The following CADPS variants were observed in gnomAD, a reference collection of about 807,000 sequenced individuals.
CADPS encodes calcium-dependent secretion activator 1.
CADPS carries 57 observed loss-of-function variants against 167.3 expected under a neutral mutation model. The observed-to-expected ratio is 0.34, with a 90% confidence interval of 0.28 to 0.42. CADPS has a LOEUF of 0.42. Among genes scored for constraint, CADPS ranks in the 20% least tolerant of loss-of-function variants. CADPS has a pLI of 1.00. For missense variants in CADPS, 1,414 were observed against 1,738.1 expected (o/e 0.81, Z 3.32); for synonymous variants, 676 against 635.3 (o/e 1.06, Z -0.96).
chr3:62,603,463 G>A lies in CADPS; in HGVS notation c.1326-10715C>T, dbSNP rs987232499. Among the ~76,000 whole-genome samples, 7 of 152,150 alleles carry A rather than the reference G, an allele frequency of 4.6e-5. No individual in the cohort carries two copies. In the East Asian group the frequency reaches 5.8e-4, roughly 13 times the overall value. ...AGGAAACTTTCAATAAATGCCTATC[G>A]AATCAAGGCTGGAGGGAATAATGTA... On this transcript the variant is annotated intron_variant, in intron 6 of 29. Coordinates refer to ENST00000383710, the MANE Select transcript of CADPS (RefSeq NM_003716.4).
chr3:62,826,275 G>C (rs2074021416), intron 1 of CADPS, among the ~76,000 whole-genome samples: 1 of 152,128 alleles, frequency 6.6e-6, no homozygotes, highest in Non-Finnish European at 1.5e-5. Context: ...AGAGGGGTTT[G>C]TTTCAGTAGA....
At chr3:62,787,243 C>T (rs2092541023) in intron 1 of CADPS, among the ~76,000 whole-genome samples, 1 of 151,782 alleles carries the variant, frequency 6.6e-6, no homozygotes, top group Admixed American at 6.6e-5. Context: ...TGTAGTGAGC[C>T]AAGATCGCAC....
At position 62,645,833 on chromosome 3, in the gene CADPS, A is replaced by T; in HGVS notation, c.1214T>A (p.Met405Lys). ...CAAAGATTTGAGGCCTTGGACTTCCATAATTACCACCTGAAAAGAGAATTC... is the reference window on the plus strand; with the variant it reads ...CAAAGATTTGAGGCCTTGGACTTCCTTAATTACCACCTGAAAAGAGAATTC... ...VLSFSLEVVI[M>K]EVQGLKSLAP... is the part of the protein sequence containing the mutation. The change falls in exon 6 of 30, where the codon ATG becomes AAG. Residue 405 changes from methionine to lysine, a missense_variant. Physicochemically the swap from Met to Lys is moderately conservative, Grantham distance 95. Around this residue, in one of 6 missense-constraint regions of CADPS, gnomAD observed 522 missense variants for 559.5 expected, o/e 0.93. Coordinates refer to ENST00000383710, the MANE Select transcript of CADPS (RefSeq NM_003716.4). The T allele has an allele frequency of 6.2e-7, 1 of 1,614,084 alleles. No homozygotes were observed. The highest frequency in any genetic ancestry group is 8.5e-7 in the Non-Finnish European group (1 of 1,179,944).
At chr3:62,871,365 A>G (rs904357477) in intron 1 of CADPS, among the ~76,000 whole-genome samples, 3 of 152,158 alleles carry the variant, frequency 2.0e-5, no homozygotes, top group African/African-American at 4.8e-5. Flanking sequence ...ATACTTAAGC[A>G]TCCACTTTGC....
At chr3:62,650,759 C>T in intron 5 of CADPS, 88 bp downstream of exon 5, 1 of 948,626 alleles carries the variant, frequency 1.1e-6, no homozygotes, top group South Asian at 1.6e-5. Context: ...TGGGGTGCAA[C>T]AGAAAAAACA....
chr3:62,625,141 C>T (rs1272159625), intron 6 of CADPS: 1 of 149,580 alleles, frequency 6.7e-6, no homozygotes, highest in Non-Finnish European at 1.5e-5. Flanking sequence ...ACCTATGTAA[C>T]AAAACTGCAC....
At chr3:62,862,311 G>T (rs766661171) in intron 1 of CADPS, among the ~76,000 whole-genome samples, 1 of 151,084 alleles carries the variant, frequency 6.6e-6, no homozygotes, top group Non-Finnish European at 1.5e-5. Flanking sequence ...CCGCCTCCCG[G>T]GTTCAAGTGA....
chr3:62,829,557 C>T (rs529429492), intron 1 of CADPS, among the ~76,000 whole-genome samples: 3 of 152,178 alleles, frequency 2.0e-5, no homozygotes, highest in South Asian at 2.1e-4. Flanking sequence ...TAAAGCTCAA[C>T]GCACAGCATT....
chr3:62,851,770 G>C (rs1559926544), intron 1 of CADPS, among the ~76,000 whole-genome samples: 1 of 149,698 alleles, frequency 6.7e-6, no homozygotes, highest in Non-Finnish European at 1.5e-5. Context: ...TGTTCTTCTC[G>C]AGGAGTATCT....
chr3:62,667,394 T>G (rs1466039550), intron 3 of CADPS, among the ~76,000 whole-genome samples: 1 of 151,990 alleles, frequency 6.6e-6, no homozygotes, highest in Non-Finnish European at 1.5e-5. Context: ...TAGTTTGCCT[T>G]TAGCTGTGGG....
chr3:62,733,056 A>C (rs17067097), intron 3 of CADPS, among the ~76,000 whole-genome samples: 8,205 of 152,292 alleles, frequency 0.054, 259 homozygotes, highest in Middle Eastern at 0.078. Flanking sequence ...ATTTCTTGCA[A>C]ATGTAAACTA....
At chr3:62,816,891 A>T (rs1316291223) in intron 1 of CADPS, among the ~76,000 whole-genome samples, 1 of 152,164 alleles carries the variant, frequency 6.6e-6, no homozygotes, top group African/African-American at 2.4e-5. Flanking sequence ...AGCTACGCTG[A>T]AGCCCAGGTT....
At chr3:62,735,371 T>TG (rs11447662) in intron 3 of CADPS, among the ~76,000 whole-genome samples, 100,771 of 151,992 alleles carry the variant, frequency 0.66, 35,566 homozygotes, top group African/African-American at 0.92. Context: ...AAGCAATAAA[T>TG]GTTACTCTGC....
intron 1 of CADPS, among the ~76,000 whole-genome samples, chr3:62,870,788 C>T (rs912131714): frequency 5.9e-5 from 9 of 152,128 alleles, no homozygotes; most frequent in African/African-American, 2.2e-4. Flanking sequence ...CTAACAGTGC[C>T]TGCTTTTACA....
intron 28 of CADPS, among the ~76,000 whole-genome samples, chr3:62,437,308 A>G (rs2055302597): frequency 6.6e-6 from 1 of 151,550 alleles, no homozygotes; most frequent in Admixed American, 6.6e-5. Flanking sequence ...TTGGCCTAAA[A>G]GAGATAGGCA....
intron 13 of CADPS, among the ~76,000 whole-genome samples, chr3:62,518,592 A>T (rs1438192286): frequency 6.6e-6 from 1 of 152,046 alleles, no homozygotes; most frequent in Non-Finnish European, 1.5e-5. Flanking sequence ...TAAATTAGGG[A>T]AGTTTGAGAA....
At chr3:62,453,938 G>A (rs1245830719) in intron 26 of CADPS, among the ~76,000 whole-genome samples, 3 of 152,080 alleles carry the variant, frequency 2.0e-5, no homozygotes, top group South Asian at 4.1e-4. Context: ...GCCATTGTCC[G>A]TTGCTTCCTT....
intron 2 of CADPS, among the ~76,000 whole-genome samples, chr3:62,764,531 ATTGT>A (rs2152496260): frequency 6.6e-6 from 1 of 152,368 alleles, no homozygotes; most frequent in South Asian, 2.1e-4. Context: ...CATCACAAAG[ATTGT>A]TTACTATTAA....
At chr3:62,593,918 G>A (rs888410246) in intron 6 of CADPS, among the ~76,000 whole-genome samples, 2 of 152,140 alleles carry the variant, frequency 1.3e-5, no homozygotes, top group African/African-American at 4.8e-5. Flanking sequence ...CAGGGACTGT[G>A]TTTTTATGTT....
Sources: allele counts gnomAD v4.1 joint callset (sites outside exome capture counted in the v4.1 genomes callset), GRCh38; gene constraint gnomAD v4.1.1; regional missense constraint gnomAD v4.1.1; transcripts MANE v1.5; gene names NCBI Gene and HGNC (gene_info 2026-07-23, HGNC 2026-07-21).